The following KLF7 variants were observed in gnomAD, a reference collection of about 807,000 sequenced individuals.
The protein encoded by KLF7 is KLF transcription factor 7, also known as Krueppel-like factor 7.
Under a neutral mutation model 27.3 loss-of-function variants are expected in KLF7, and 2 were observed. The observed-to-expected ratio is 0.07, with a 90% CI of 0.03 to 0.23. The LOEUF is 0.23. Among genes scored for constraint, KLF7 ranks in the 10% least tolerant of loss-of-function variants. KLF7 has a pLI of 1.00. For synonymous variants in KLF7, 165 were observed against 162.4 expected, an observed-to-expected ratio of 1.02 and a Z score of -0.12; for missense variants, 221 against 394.1, an observed-to-expected ratio of 0.56 and a Z score of 3.72.
intron 1 of KLF7, among the ~76,000 whole-genome samples, chr2:207,150,541 G>C (rs1223594413): frequency 6.6e-6 from 1 of 152,232 alleles, no homozygotes; most frequent in Non-Finnish European, 1.5e-5. Flanking sequence ...CGTACAGCAT[G>C]TAACAGTTTA....
intron 2 of KLF7, among the ~76,000 whole-genome samples, chr2:207,119,679 T>A (rs2077283939): frequency 6.6e-6 from 1 of 152,126 alleles, no homozygotes; most frequent in African/African-American, 2.4e-5. Context: ...CTCTTCCCAA[T>A]GAATAAACCA....
intron 1 of KLF7, among the ~76,000 whole-genome samples, chr2:207,161,612 T>C (rs970626469): frequency 6.6e-6 from 1 of 152,206 alleles, no homozygotes; most frequent in Non-Finnish European, 1.5e-5. Context: ...GCAATGTGGC[T>C]CACAGACCAA....
chr2:207,155,561 G>A (rs1056456326), intron 1 of KLF7, among the ~76,000 whole-genome samples: 3 of 152,146 alleles, frequency 2.0e-5, no homozygotes, highest in Admixed American at 2.0e-4. Context: ...ATTCTCATAT[G>A]CAAACATAAA....
At chr2:207,089,584 G>A (rs1281854361) in intron 2 of KLF7, among the ~76,000 whole-genome samples, 2 of 152,078 alleles carry the variant, frequency 1.3e-5, no homozygotes, top group South Asian at 4.1e-4. Context: ...CTGAGTTACT[G>A]AGCCCCGTCA....
At position 207,151,723 on chromosome 2, in the gene KLF7, T is replaced by TACAC. The variant is rs72289250; in HGVS notation, c.102+13740_102+13743dup. Among the ~76,000 whole-genome samples, 839 of 149,966 alleles carry TACAC rather than the reference T, an allele frequency of 5.6e-3. 7 individuals carry two copies. Among genetic ancestry groups the TACAC allele is most frequent in the African/African-American group, 0.012 (482 of 40,804 alleles). Reference sequence around the variant, plus strand: ...AATAGTCATTGGTTTTGAAAAATTTTACACACACACACACACACACACACA... The same window carrying TACAC: ...AATAGTCATTGGTTTTGAAAAATTTTACACACACACACACACACACACACACACA... On this transcript the variant is annotated intron_variant, in intron 1 of 3. Coordinates refer to ENST00000309446, the MANE Select transcript of KLF7 (RefSeq NM_003709.4).
At chr2:207,161,751 G>A (rs1041952229) in intron 1 of KLF7, among the ~76,000 whole-genome samples, 1 of 152,144 alleles carries the variant, frequency 6.6e-6, no homozygotes, top group African/African-American at 2.4e-5. Flanking sequence ...AGATGAAATT[G>A]CAGTGTTATG....
intron 2 of KLF7, among the ~76,000 whole-genome samples, chr2:207,092,038 T>C (rs2076524107): frequency 6.6e-6 from 1 of 152,216 alleles, no homozygotes; most frequent in Non-Finnish European, 1.5e-5. Flanking sequence ...GCAGGTTTCA[T>C]GCAAAATCAG....
intron 2 of KLF7, among the ~76,000 whole-genome samples, chr2:207,115,730 C>G (rs1343299482): frequency 1.3e-5 from 2 of 150,106 alleles, no homozygotes; most frequent in African/African-American, 2.4e-5. Flanking sequence ...GTTCCCAACA[C>G]TCCCCCATCA....
chr2:207,162,932 T>G (rs1440977558), intron 1 of KLF7, among the ~76,000 whole-genome samples: 2 of 152,210 alleles, frequency 1.3e-5, no homozygotes, highest in Non-Finnish European at 2.9e-5. Flanking sequence ...AAGAAACTTC[T>G]TCCTGTCTGG....
intron 2 of KLF7, among the ~76,000 whole-genome samples, chr2:207,112,773 CAA>C (rs1048664599): frequency 2.0e-5 from 3 of 152,220 alleles, no homozygotes; most frequent in Non-Finnish European, 4.4e-5. Context: ...TCTACTTCAA[CAA>C]GAGAGGACAA....
chr2:207,149,236 C>T, intron 1 of KLF7: 1 of 1,011,740 alleles, frequency 9.9e-7, no homozygotes, highest in East Asian at 6.0e-5. Flanking sequence ...TTAAAAGCAA[C>T]ACCCCCACTC....
At chr2:207,155,221 A>G (rs1435375919) in intron 1 of KLF7, among the ~76,000 whole-genome samples, 1 of 152,234 alleles carries the variant, frequency 6.6e-6, no homozygotes, top group East Asian at 1.9e-4. Flanking sequence ...AATGATGGAT[A>G]CAGGTGCTCA....
At chr2:207,118,321 G>A (rs763063461) in intron 2 of KLF7, among the ~76,000 whole-genome samples, 43 of 152,096 alleles carry the variant, frequency 2.8e-4, no homozygotes, top group Non-Finnish European at 4.9e-4. Flanking sequence ...TATCAGTAAC[G>A]ATAATAGGCC....
intron 1 of KLF7, among the ~76,000 whole-genome samples, chr2:207,138,137 CCT>C (rs1352116611): frequency 1.3e-5 from 2 of 152,266 alleles, no homozygotes; most frequent in East Asian, 3.9e-4. Context: ...ACTGCCATCC[CCT>C]CTCCCCTTTG....
intron 1 of KLF7, among the ~76,000 whole-genome samples, chr2:207,164,693 C>A (rs1380553605): frequency 6.6e-6 from 1 of 152,166 alleles, no homozygotes. Context: ...TCCTCTAAGA[C>A]AAAGTCAAAG....
At chr2:207,142,248 G>A (rs1320976389) in intron 1 of KLF7, among the ~76,000 whole-genome samples, 2 of 152,172 alleles carry the variant, frequency 1.3e-5, no homozygotes, top group East Asian at 3.9e-4. Flanking sequence ...CTGGGAGATT[G>A]GTAGATTTTG....
At chr2:207,088,859 T>C (rs2105872319) in intron 2 of KLF7, among the ~76,000 whole-genome samples, 1 of 152,292 alleles carries the variant, frequency 6.6e-6, no homozygotes, top group East Asian at 1.9e-4. Flanking sequence ...TCAGAGCATT[T>C]CCTCTGACTG....
chr2:207,110,032 A>G (rs144924002), intron 2 of KLF7: 131 of 154,952 alleles, frequency 8.5e-4, no homozygotes, highest in African/African-American at 2.8e-3. Flanking sequence ...CCATACGATT[A>G]TAATAGCATA....
intron 1 of KLF7, among the ~76,000 whole-genome samples, chr2:207,164,603 C>G (rs2078645869): frequency 6.6e-6 from 1 of 152,154 alleles, no homozygotes; most frequent in South Asian, 2.1e-4. Context: ...AACTTGTCAC[C>G]AGCCCCACTT....
Sources: allele counts gnomAD v4.1 joint callset (sites outside exome capture counted in the v4.1 genomes callset), GRCh38; gene constraint gnomAD v4.1.1; transcripts MANE v1.5; gene names NCBI Gene and HGNC (gene_info 2026-07-23, HGNC 2026-07-21).